SLC20A2: variants seen among roughly 807,000 people sequenced by gnomAD.
SLC20A2 encodes the protein sodium-dependent phosphate transporter 2.
A neutral mutation model predicts 61.0 loss-of-function variants in SLC20A2; 30 were observed. The observed-to-expected ratio is 0.49, with a 90% CI of 0.37 to 0.67. The LOEUF (loss-of-function observed/expected upper bound fraction) is 0.67. SLC20A2 is among the 30% of genes least tolerant of loss of function. SLC20A2 has a pLI of 0.00. For missense variants in SLC20A2, 626 were observed against 866.4 expected (o/e 0.72, Z 3.48); for synonymous variants, 351 against 353.3 (o/e 0.99, Z 0.07).
At chr8:42,445,464 G>A (rs1046577763) in intron 5 of SLC20A2, among the ~76,000 whole-genome samples, 24 of 150,008 alleles carry the variant, frequency 1.6e-4, no homozygotes, top group African/African-American at 4.4e-4. Context: ...GATGGCTCCC[G>A]CCTATAATCC....
rs759126985 is a variant in SLC20A2 at position 42,472,066 on chromosome 8, C to T, written c.289+36G>A. 85 of 1,593,054 alleles carry T rather than the reference C, an allele frequency of 5.3e-5. No individual in the cohort carries two copies. Among genetic ancestry groups the T allele is most frequent in the Middle Eastern group, 2.2e-4 (1 of 4,448 alleles). On this transcript the variant is annotated intron_variant, in intron 2 of 10. Transcript: ENST00000520262. The surrounding 1 kb of genome is among the most constrained non-coding windows in gnomAD (Gnocchi z 4.1). ...TACTGCAGGGAAGCGGGTCAGTGGG[C>T]GGATGTCCCATCGGTATAGAGAAGA... is the stretch of plus-strand genomic sequence containing the variant.
chr8:42,527,438 C>A (rs1812041888), intron 1 of SLC20A2, among the ~76,000 whole-genome samples: 1 of 151,178 alleles, frequency 6.6e-6, no homozygotes, highest in Non-Finnish European at 1.5e-5. Flanking sequence ...ATCTTTGCAA[C>A]TTTTCTATAA....
chr8:42,499,601 C>T (rs936378946), intron 1 of SLC20A2, among the ~76,000 whole-genome samples: 6 of 152,100 alleles, frequency 3.9e-5, no homozygotes, highest in Admixed American at 3.9e-4. Context: ...TACAATAGGT[C>T]AAGTGAATAC....
intron 1 of SLC20A2, among the ~76,000 whole-genome samples, chr8:42,484,340 A>G (rs1389339855): frequency 6.6e-6 from 1 of 152,242 alleles, no homozygotes; most frequent in African/African-American, 2.4e-5. Flanking sequence ...TTTGATTGGT[A>G]AGTCAGGTAG....
intron 5 of SLC20A2, among the ~76,000 whole-genome samples, chr8:42,452,567 T>G (rs1365515281): frequency 1.6e-5 from 2 of 123,702 alleles, no homozygotes; most frequent in East Asian, 2.4e-4. Context: ...CAGGAAGAGA[T>G]GGAGGAGCGG....
At chr8:42,528,650 G>C (rs549717017) in intron 1 of SLC20A2, among the ~76,000 whole-genome samples, 6 of 151,818 alleles carry the variant, frequency 4.0e-5, no homozygotes, top group Non-Finnish European at 7.4e-5. Flanking sequence ...ATCATATCCT[G>C]CCTCAATGTC....
At chr8:42,451,075 G>A (rs946762817) in intron 5 of SLC20A2, among the ~76,000 whole-genome samples, 5 of 152,134 alleles carry the variant, frequency 3.3e-5, no homozygotes, top group African/African-American at 1.2e-4. Flanking sequence ...CCAACTGGCA[G>A]CCTGAGAGGT....
At chr8:42,445,307 TAAAATA>T (rs1805127342) in intron 5 of SLC20A2, among the ~76,000 whole-genome samples, 1 of 151,370 alleles carries the variant, frequency 6.6e-6, no homozygotes, top group African/African-American at 2.4e-5. Flanking sequence ...AAACAATAAA[TAAAATA>T]AAAATAAATA....
intron 1 of SLC20A2, among the ~76,000 whole-genome samples, chr8:42,522,739 C>T (rs1811657555): frequency 1.6e-5 from 1 of 60,750 alleles, no homozygotes; most frequent in African/African-American, 3.3e-5. Context: ...GAGACTTGTT[C>T]TGTCACCCAG....
intron 1 of SLC20A2, among the ~76,000 whole-genome samples, chr8:42,530,949 A>AC (rs1404061711): frequency 6.6e-6 from 1 of 152,118 alleles, no homozygotes; most frequent in Non-Finnish European, 1.5e-5. Context: ...CGAACTCCTG[A>AC]CCTCAAGTGA....
chr8:42,459,874 T>A (rs768692250), intron 5 of SLC20A2, 22 bp downstream of exon 5: 2 of 1,497,548 alleles, frequency 1.3e-6, no homozygotes, highest in Admixed American at 3.4e-5. Context: ...GCCCCTGGAG[T>A]ATGCTTCCAA....
At chr8:42,468,069 AT>A (rs1228365030) in intron 2 of SLC20A2, among the ~76,000 whole-genome samples, 9 of 151,664 alleles carry the variant, frequency 5.9e-5, no homozygotes, top group African/African-American at 2.2e-4. Flanking sequence ...CGCCCGGCTA[AT>A]TTTTTGTATT....
chr8:42,424,601 C>CA (rs1803271073), intron 10 of SLC20A2, among the ~76,000 whole-genome samples: 1 of 152,158 alleles, frequency 6.6e-6, no homozygotes, highest in African/African-American at 2.4e-5. Context: ...TGTAACTCAT[C>CA]AAACAGACTG....
intron 10 of SLC20A2, among the ~76,000 whole-genome samples, chr8:42,420,487 T>A (rs1032793439): frequency 5.3e-5 from 8 of 152,186 alleles, no homozygotes; most frequent in African/African-American, 9.6e-5. Context: ...AGAATATTTT[T>A]AAAATATTAT....
chr8:42,472,396 A>C lies in SLC20A2; in HGVS notation c.-6T>G, dbSNP rs1349195327. 1 of 1,607,252 alleles carries C rather than the reference A, an allele frequency of 6.2e-7. No individual in the cohort carries two copies. Among genetic ancestry groups the C allele is most frequent in the Admixed American group, 1.7e-5 (1 of 59,584 alleles). ...AAATACTCATCCATGGCCATTTTGG[A>C]AAGTGGGTGCCGGGTACTTTTCTTT... On this transcript the variant is annotated 5_prime_UTR_variant, in exon 2 of 11. Coordinates refer to ENST00000520262, the MANE Select transcript of SLC20A2 (RefSeq NM_001257180.2). This position sits in a 1 kb window ranked among gnomAD's most constrained non-coding sequence, Gnocchi z 4.1.
At chr8:42,475,491 C>G (rs1808005733) in intron 1 of SLC20A2, among the ~76,000 whole-genome samples, 1 of 151,862 alleles carries the variant, frequency 6.6e-6, no homozygotes, top group African/African-American at 2.4e-5. Flanking sequence ...CTCACTGCAA[C>G]CTCTGCCTCC....
chr8:42,509,021 G>C (rs1810881849), intron 1 of SLC20A2, among the ~76,000 whole-genome samples: 1 of 152,102 alleles, frequency 6.6e-6, no homozygotes, highest in African/African-American at 2.4e-5. Context: ...TTTAAAATGG[G>C]AATAATAATT....
Position 42,477,862 on chromosome 8 carries a change from T to C in SLC20A2, c.-264-5208A>G, listed in dbSNP as rs185739377. ...CTAAGAAAAAAACCACTCAACGTGG[T>C]AAAGACACTTTGGAAAACTATTGGC... is the stretch of plus-strand genomic sequence containing the variant. On this transcript the variant is annotated intron_variant, in intron 1 of 10. Coordinates refer to ENST00000520262, the MANE Select transcript of SLC20A2 (RefSeq NM_001257180.2). 3.3e-5 allele frequency among the ~76,000 whole-genome samples: 5 copies of C among 151,818 alleles called. No homozygotes were observed. In the East Asian group the frequency reaches 9.7e-4, roughly 29 times the overall value.
chr8:42,458,213 C>T (rs762808781), intron 5 of SLC20A2, among the ~76,000 whole-genome samples: 51 of 152,338 alleles, frequency 3.3e-4, no homozygotes, highest in Admixed American at 2.7e-3. Flanking sequence ...GAGGAATATT[C>T]TCTAGCAAAC....
Sources: allele counts gnomAD v4.1 joint callset (sites outside exome capture counted in the v4.1 genomes callset), GRCh38; gene constraint gnomAD v4.1.1; non-coding constraint Gnocchi (gnomAD v3.1); transcripts MANE v1.5; gene names NCBI Gene and HGNC (gene_info 2026-07-23, HGNC 2026-07-21).